AHR: variants seen among roughly 807,000 people sequenced by gnomAD.
AHR encodes AH-receptor.
A neutral mutation model predicts 86.8 loss-of-function variants in AHR; 40 were observed. That is an observed-to-expected ratio of 0.46 (90% CI 0.36 to 0.60). AHR has a LOEUF of 0.60. AHR is among the 20% of genes least tolerant of loss of function. The pLI is 0.00. For missense variants in AHR, 1,001 were observed against 1,011.6 expected (o/e 0.99, Z 0.14); for synonymous variants, 398 against 354.9 (o/e 1.12, Z -1.37).
In AHR at chr7:17,335,577, G is replaced by A. The variant is rs1782346296; in HGVS notation, c.1019-68G>A. 13 of 1,360,308 alleles carry A rather than the reference G, an allele frequency of 9.6e-6. No homozygotes were observed. The South Asian group carries it at 1.6e-4, about 17-fold the overall frequency. The allele number at this position is 1,360,308 out of a possible 1,614,324, so 84.3% of individuals were successfully genotyped here. The stretch of plus-strand genomic sequence containing the variant: ...TCCAGAACTATGTCACAAGAGCTTT[G>A]TTTTAGGAATAATCTTTACTATATT... On this transcript the variant is annotated intron_variant, in intron 8 of 10. Coordinates refer to ENST00000242057, the MANE Select transcript of AHR (RefSeq NM_001621.5).
chr7:17,304,925 G>T (rs192507537), intron 1 of AHR, among the ~76,000 whole-genome samples: 2 of 152,076 alleles, frequency 1.3e-5, no homozygotes, highest in Admixed American at 6.6e-5. Flanking sequence ...GTGTGTTTGC[G>T]TAGAAGAAGG....
intron 2 of AHR, among the ~76,000 whole-genome samples, chr7:17,315,027 A>AT (rs1232679950): frequency 2.6e-5 from 4 of 152,048 alleles, no homozygotes; most frequent in Admixed American, 2.0e-4. Flanking sequence ...CCTAATTCAC[A>AT]TTTTAAAACA....
chr7:17,340,037 T>A lies in AHR; in HGVS notation c.2212T>A (p.Phe738Ile), dbSNP rs1348571444. 1 of 1,614,218 alleles carries A rather than the reference T, an allele frequency of 6.2e-7. No homozygotes were observed. The highest frequency in any genetic ancestry group is 8.5e-7 in the Non-Finnish European group (1 of 1,180,042). ...PYPTTSSLED[F>I]VTCLQLPENQ... ...CCCCACTACTTCTAGTTTAGAAGAT[T>A]TTGTCACTTGTTTACAACTTCCTGA... The change falls in exon 10 of 11, where the codon TTT becomes ATT. Residue 738 changes from phenylalanine (F) to isoleucine (I), a missense_variant. Physicochemically the swap from Phe to Ile is conservative, Grantham distance 21. Coordinates refer to ENST00000242057, the MANE Select transcript of AHR (RefSeq NM_001621.5).
chr7:17,333,854 G>A (rs562661363), intron 6 of AHR, 58 bp from the exon 7 acceptor site: 393 of 1,414,150 alleles, frequency 2.8e-4, no homozygotes, highest in Admixed American at 5.6e-4. Context: ...CTTTTAAAAA[G>A]GCACTATTTT....
At chr7:17,318,218 A>AT (rs372818941) in intron 2 of AHR, among the ~76,000 whole-genome samples, 3 of 151,728 alleles carry the variant, frequency 2.0e-5, no homozygotes, top group Non-Finnish European at 2.9e-5. Context: ...TTCCTCATGA[A>AT]TTTTTTTTTC....
intron 2 of AHR, among the ~76,000 whole-genome samples, chr7:17,319,408 G>T (rs1460306859): frequency 6.6e-6 from 1 of 152,070 alleles, no homozygotes; most frequent in Admixed American, 6.6e-5. Flanking sequence ...ACACACTGAG[G>T]TCTGGCTACC....
rs984565823 is a variant in AHR at position 17,340,291 on chromosome 7, A to C, written c.2403+63A>C. 2.3e-5 allele frequency: 34 copies of C among 1,502,260 alleles called. No homozygotes were observed. The African/African-American group carries it at 4.2e-4, about 19-fold the overall frequency. 93.1% of individuals were successfully genotyped at this position (1,502,260 alleles called of 1,614,324 possible). A position where few individuals can be genotyped will look rare whatever the true frequency, so the allele number is the denominator to read the frequency against. Reference sequence around the variant, plus strand: ...ATTCTTTTTACCTTATAGACATGTTACACATTTTTTATGTCAGCTGATTTT... The same window carrying C: ...ATTCTTTTTACCTTATAGACATGTTCCACATTTTTTATGTCAGCTGATTTT... On this transcript the variant is annotated intron_variant, in intron 10 of 10. Coordinates refer to ENST00000242057, the MANE Select transcript of AHR (RefSeq NM_001621.5).
In AHR at chr7:17,343,114, G is replaced by T; in HGVS notation, c.*50G>T. The T allele has an allele frequency of 6.3e-7, 1 of 1,594,120 alleles. No homozygotes were observed. Among genetic ancestry groups the T allele is most frequent in the Non-Finnish European group, 8.6e-7 (1 of 1,163,972 alleles). ...TTTTTGGATTAAATTAGTTTGTGAA[G>T]GATTATGGAAAAATAAAACTGTCAC... On this transcript the variant is annotated 3_prime_UTR_variant, in exon 11 of 11. Transcript: ENST00000242057.
At chr7:17,341,960 T>G (rs935826919) in intron 10 of AHR, among the ~76,000 whole-genome samples, 9 of 152,096 alleles carry the variant, frequency 5.9e-5, no homozygotes, top group African/African-American at 2.2e-4. Flanking sequence ...TCTGGCCAGG[T>G]AATACTAACT....
At position 17,298,971 on chromosome 7, in the gene AHR, C is replaced by T. The variant is rs922778240; in HGVS notation, c.-294C>T. The T allele has an allele frequency of 5.2e-5, 23 of 443,682 alleles. No individual in the cohort carries two copies. The highest frequency in any genetic ancestry group is 7.8e-5 in the Non-Finnish European group (20 of 255,574). 27.5% of individuals were successfully genotyped at this position (443,682 alleles called of 1,614,324 possible). Reference sequence around the variant, plus strand: ...TCACCTGCGGGCATTGCCGCGCCGCCTCCGCCGGTGTAGACGGCACCTGCG... The same window carrying T: ...TCACCTGCGGGCATTGCCGCGCCGCTTCCGCCGGTGTAGACGGCACCTGCG... On this transcript the variant is annotated 5_prime_UTR_variant, in exon 1 of 11. Transcript: ENST00000242057.
chr7:17,335,099 G>T (rs1323729783), intron 8 of AHR, 103 bp downstream of exon 8: 12 of 733,768 alleles, frequency 1.6e-5, no homozygotes, highest in Non-Finnish European at 2.3e-6. Context: ...AAAGTATATG[G>T]ATAAACTTCT....
intron 1 of AHR, among the ~76,000 whole-genome samples, chr7:17,309,026 C>T (rs575830638): frequency 5.3e-5 from 8 of 152,206 alleles, no homozygotes; most frequent in South Asian, 2.1e-4. Context: ...CCCAGTTCAG[C>T]GTGGGTATCT....
chr7:17,333,409 G>A (rs947366580), intron 6 of AHR, among the ~76,000 whole-genome samples: 1 of 151,760 alleles, frequency 6.6e-6, no homozygotes. Context: ...ACTCAGTAGG[G>A]CTCTGCATTC....
intron 1 of AHR, among the ~76,000 whole-genome samples, chr7:17,303,127 T>C (rs1322819049): frequency 6.6e-6 from 1 of 152,112 alleles, no homozygotes; most frequent in Non-Finnish European, 1.5e-5. Context: ...GCTAGTGGCT[T>C]AATATGACAA....
In AHR at chr7:17,339,729, A is replaced by G. The variant is rs1404865204; in HGVS notation, c.1904A>G (p.Gln635Arg). 1 of 1,614,224 alleles carries G rather than the reference A, an allele frequency of 6.2e-7. No homozygotes were observed. Among genetic ancestry groups the G allele is most frequent in the Non-Finnish European group, 8.5e-7 (1 of 1,180,038 alleles). Residue 635 changes from glutamine to arginine, a missense_variant, in exon 10 of 11, where the codon CAG (glutamine) becomes CGG (arginine). By Grantham distance (43) the Gln-to-Arg change is conservative. Transcript: ENST00000242057. Reference sequence around the variant, plus strand: ...CAAAAGCAAGTAGTAGTGGAGCCACAGCAACAGCTGTGTCAGAAGATGAAG... The same window carrying G: ...CAAAAGCAAGTAGTAGTGGAGCCACGGCAACAGCTGTGTCAGAAGATGAAG... Reference protein sequence around the residue: ...HHQKQVVVEPQQQLCQKMKHM... With the variant: ...HHQKQVVVEPRQQLCQKMKHM...
intron 2 of AHR, among the ~76,000 whole-genome samples, chr7:17,321,696 T>A (rs554853241): frequency 1.3e-5 from 2 of 151,744 alleles, no homozygotes; most frequent in Non-Finnish European, 2.9e-5. Flanking sequence ...CATCAGACTT[T>A]CCTTCACATA....
At position 17,339,391 on chromosome 7, in the gene AHR, A is replaced by T. The variant is rs1292932860; in HGVS notation, c.1566A>T (p.Ser522=). 6.2e-7 allele frequency: 1 copy of T among 1,614,230 alleles called. No individual in the cohort carries two copies. The highest frequency in any genetic ancestry group is 8.5e-7 in the Non-Finnish European group (1 of 1,180,040). Residue 522 remains serine (S), a synonymous_variant, in exon 10 of 11, where the codon TCA becomes TCT. Transcript: ENST00000242057. ...TTGACCAGCCTCAGGATGTGAACTC[A>T]TTTGCTGGAGGTCACCCAGGGCTCT... ...EQIDQPQDVN[S]FAGGHPGLFQ...
chr7:17,327,862 A>C lies in AHR; in HGVS notation c.450+14A>C, dbSNP rs1461579831. 6 of 1,073,962 alleles carry C rather than the reference A, an allele frequency of 5.6e-6. No individual in the cohort carries two copies. The highest frequency in any genetic ancestry group is 7.5e-6 in the Non-Finnish European group (6 of 797,560). The allele number at this position is 1,073,962 out of a possible 1,614,324, so 66.5% of individuals were successfully genotyped here. On this transcript the variant is annotated intron_variant, in intron 4 of 10. Transcript: ENST00000242057. Reference sequence around the variant, plus strand: ...GGGTTTCAGCAGGTAAGTATATATTATTTATATCATTTATATTATTATATC... The same window carrying C: ...GGGTTTCAGCAGGTAAGTATATATTCTTTATATCATTTATATTATTATATC...
chr7:17,302,162 A>G (rs1350733210), intron 1 of AHR, among the ~76,000 whole-genome samples: 1 of 151,970 alleles, frequency 6.6e-6, no homozygotes, highest in Non-Finnish European at 1.5e-5. Flanking sequence ...TTACCTGTAC[A>G]TAGAAAGTTA....
Sources: gnomAD v4.1 joint callset for allele counts (sites outside exome capture counted in the v4.1 genomes callset) on GRCh38, gnomAD v4.1.1 for gene constraint, MANE v1.5 for transcripts, NCBI Gene and HGNC (gene_info 2026-07-23, HGNC 2026-07-21) for gene names.